RBFOX1: variants seen among roughly 807,000 people sequenced by gnomAD.
RBFOX1 encodes the protein RNA binding protein fox-1 homolog 1.
A neutral mutation model predicts 57.7 loss-of-function variants in RBFOX1; 8 were observed. The ratio of observed to expected loss-of-function variants is 0.14; its 90% CI spans 0.08 to 0.25. The LOEUF is 0.25. Ranked by LOEUF, RBFOX1 falls within the 10% of genes least tolerant of loss-of-function variation. The pLI, the probability that RBFOX1 is intolerant of heterozygous loss-of-function variation, is 1.00. For missense variants in RBFOX1, 611 were observed against 548.5 expected (o/e 1.11, Z -1.14); for synonymous variants, 326 against 222.4 (o/e 1.47, Z -4.15).
chr16:7,668,888 C>G lies in RBFOX1; in HGVS notation c.930+3920C>G, dbSNP rs61249969. Among the ~76,000 whole-genome samples, 662 of 152,214 alleles carry G rather than the reference C, an allele frequency of 4.3e-3. 4 individuals carry two copies. Among genetic ancestry groups the G allele is most frequent in the African/African-American group, 0.016 (644 of 41,526 alleles). On this transcript the variant is annotated intron_variant, in intron 13 of 15. Transcript: ENST00000550418. ...TAAGGTTCTTAGATCTACAGAGTCT[C>G]TCATACTTGGAAGTGAAGCTATAGA... is the stretch of plus-strand genomic sequence containing the variant.
intron 3 of RBFOX1, among the ~76,000 whole-genome samples, chr16:6,979,402 C>G (rs191246654): frequency 1.3e-5 from 2 of 152,064 alleles, no homozygotes; most frequent in South Asian, 2.1e-4. Context: ...TGCGATAGAC[C>G]CACTAAATTA....
chr16:7,393,218 T>C (rs949875823), intron 4 of RBFOX1, among the ~76,000 whole-genome samples: 5 of 152,128 alleles, frequency 3.3e-5, no homozygotes, highest in African/African-American at 1.2e-4. Flanking sequence ...TCAATGGTTC[T>C]GAGATCTGAC....
At chr16:6,795,838 GAC>G (rs2083894039) in intron 3 of RBFOX1, among the ~76,000 whole-genome samples, 1 of 150,642 alleles carries the variant, frequency 6.6e-6, no homozygotes, top group African/African-American at 2.4e-5. Flanking sequence ...AACAAGAAAT[GAC>G]ACATGTATGT....
chr16:7,397,916 G>A (rs1201313936), intron 4 of RBFOX1, among the ~76,000 whole-genome samples: 4 of 151,640 alleles, frequency 2.6e-5, no homozygotes, highest in Admixed American at 2.6e-4. Context: ...GATTTTTTAG[G>A]CCCTACTTGG....
Position 7,431,665 on chromosome 16 carries a change from C to T in RBFOX1, c.28-86482C>T, listed in dbSNP as rs141015752. ...CAGTTTCAGAACATTTTTATTACTTCAAAAGGAACCCCATATCCATTAAGC... is the reference window on the plus strand; with the variant it reads ...CAGTTTCAGAACATTTTTATTACTTTAAAAGGAACCCCATATCCATTAAGC... On this transcript the variant is annotated intron_variant, in intron 4 of 15. Coordinates refer to ENST00000550418, the MANE Select transcript of RBFOX1 (RefSeq NM_018723.4). Among the ~76,000 whole-genome samples the T allele has an allele frequency of 5.6e-3, 853 of 152,302 alleles. 5 individuals are homozygous for T. Among genetic ancestry groups the T allele is most frequent in the Non-Finnish European group, 8.6e-3 (584 of 68,016 alleles).
intron 1 of RBFOX1, among the ~76,000 whole-genome samples, chr16:6,248,905 C>T (rs2097585119): frequency 6.6e-6 from 1 of 152,246 alleles, no homozygotes; most frequent in East Asian, 1.9e-4. Flanking sequence ...GCTCAGAGAG[C>T]ATTTGCTGTT....
chr16:5,784,851 C>T (rs899947517), intron 3 of RBFOX1, among the ~76,000 whole-genome samples: 2 of 152,270 alleles, frequency 1.3e-5, no homozygotes, highest in East Asian at 3.9e-4. Flanking sequence ...GTCCTTCCCT[C>T]ACCAGACACT....
chr16:5,280,391 G>C (rs2063241955), intron 1 of RBFOX1, among the ~76,000 whole-genome samples: 1 of 152,160 alleles, frequency 6.6e-6, no homozygotes, highest in Admixed American at 6.5e-5. Flanking sequence ...TTGGCCTGTA[G>C]TTTTCTCTTT....
chr16:5,798,941 C>T (rs2054969640), intron 3 of RBFOX1, among the ~76,000 whole-genome samples: 1 of 152,100 alleles, frequency 6.6e-6, no homozygotes, highest in Non-Finnish European at 1.5e-5. Flanking sequence ...CACTTGACTC[C>T]TGCAAGATCT....
At chr16:7,454,353 A>C (rs1321859666) in intron 4 of RBFOX1, among the ~76,000 whole-genome samples, 1 of 152,188 alleles carries the variant, frequency 6.6e-6, no homozygotes, top group Non-Finnish European at 1.5e-5. Context: ...GGCCCTCTTG[A>C]CCAGTGTCTT....
intron 1 of RBFOX1, among the ~76,000 whole-genome samples, chr16:6,266,666 A>T (rs2074540785): frequency 2.0e-5 from 3 of 151,758 alleles, no homozygotes; most frequent in Admixed American, 2.0e-4. Flanking sequence ...GTGAGCTGAG[A>T]TCGCGCCATT....
chr16:6,997,413 C>T lies in RBFOX1; in HGVS notation c.-15-54644C>T, dbSNP rs185256136. 5.3e-4 allele frequency among the ~76,000 whole-genome samples: 81 copies of T among 152,238 alleles called. 1 individual carries two copies. The highest frequency in any genetic ancestry group is 2.3e-3 in the Admixed American group (35 of 15,280). On this transcript the variant is annotated intron_variant, in intron 3 of 15. Coordinates refer to ENST00000550418, the MANE Select transcript of RBFOX1 (RefSeq NM_018723.4). Reference sequence around the variant, plus strand: ...ATATGTTGAATTTCCAAGAGGGAAACGGCTGCTTGATCAGAGTTCATTTAT... The same window carrying T: ...ATATGTTGAATTTCCAAGAGGGAAATGGCTGCTTGATCAGAGTTCATTTAT...
intron 2 of RBFOX1, among the ~76,000 whole-genome samples, chr16:6,585,973 G>T (rs1420068): frequency 0.89 from 135,943 of 152,246 alleles, 62,769 homozygotes; most frequent in East Asian, 1. Context: ...AGTTTTAAAC[G>T]TTCAAAACAG....
At chr16:6,808,349 T>C (rs1052836590) in intron 3 of RBFOX1, among the ~76,000 whole-genome samples, 2 of 152,076 alleles carry the variant, frequency 1.3e-5, no homozygotes, top group African/African-American at 4.8e-5. Flanking sequence ...CCTACTTCAC[T>C]GAAGCACCCT....
chr16:6,224,828 C>G (rs1313796033), intron 1 of RBFOX1, among the ~76,000 whole-genome samples: 1 of 152,002 alleles, frequency 6.6e-6, no homozygotes, highest in African/African-American at 2.4e-5. Context: ...TGAGACCAGC[C>G]TGACCAACAT....
At chr16:5,270,003 A>G (rs114047315) in intron 1 of RBFOX1, among the ~76,000 whole-genome samples, 4,280 of 152,156 alleles carry the variant, frequency 0.028, 173 homozygotes, top group African/African-American at 0.092. Flanking sequence ...AAAAAGAAAA[A>G]ATAAATAGCA....
chr16:7,581,776 G>A (rs1567945349), intron 6 of RBFOX1, among the ~76,000 whole-genome samples: 1 of 152,140 alleles, frequency 6.6e-6, no homozygotes, highest in Non-Finnish European at 1.5e-5. Flanking sequence ...GAGTGCAGTG[G>A]TGTGATCACG....
intron 3 of RBFOX1, among the ~76,000 whole-genome samples, chr16:7,037,488 C>G (rs533988807): frequency 3.3e-5 from 5 of 152,010 alleles, no homozygotes; most frequent in Non-Finnish European, 5.9e-5. Context: ...ATGCTGTCTG[C>G]TAAATATCTA....
chr16:5,436,160 C>G (rs1346550622), intron 1 of RBFOX1, among the ~76,000 whole-genome samples: 1 of 152,192 alleles, frequency 6.6e-6, no homozygotes, highest in Non-Finnish European at 1.5e-5. Context: ...TCCCTCATGC[C>G]TTTCTCTGGG....
Sources: allele counts gnomAD v4.1 joint callset (sites outside exome capture counted in the v4.1 genomes callset), GRCh38; gene constraint gnomAD v4.1.1; transcripts MANE v1.5; gene names NCBI Gene and HGNC (gene_info 2026-07-23, HGNC 2026-07-21).